KLHL29: variants seen among roughly 807,000 people sequenced by gnomAD.
KLHL29 encodes kelch-like protein 29.
Under a neutral mutation model 80.4 loss-of-function variants are expected in KLHL29, and 21 were observed. The observed-to-expected ratio is 0.26, with a 90% confidence interval of 0.19 to 0.38. The LOEUF (loss-of-function observed/expected upper bound fraction) is 0.38, where lower values mean the gene tolerates loss of function less well. Among genes scored for constraint, KLHL29 ranks in the 10% least tolerant of loss-of-function variants. The pLI, the probability that KLHL29 is intolerant of heterozygous loss-of-function variation, is 1.00. For missense variants in KLHL29, 867 were observed against 1,223.9 expected (o/e 0.71, Z 4.35); for synonymous variants, 511 against 526.8 (o/e 0.97, Z 0.41).
intron 2 of KLHL29, among the ~76,000 whole-genome samples, chr2:23,513,706 G>A (rs1665843639): frequency 6.6e-6 from 1 of 152,176 alleles, no homozygotes; most frequent in African/African-American, 2.4e-5. Context: ...CAGGAGGGCA[G>A]AGGGAGAGAT....
At chr2:23,470,093 GA>G (rs1315618078) in intron 1 of KLHL29, among the ~76,000 whole-genome samples, 1 of 151,920 alleles carries the variant, frequency 6.6e-6, no homozygotes, top group African/African-American at 2.4e-5. Context: ...GTTTATGGTG[GA>G]GTCATGTCAT....
intron 1 of KLHL29, among the ~76,000 whole-genome samples, chr2:23,424,814 T>C (rs1431335136): frequency 6.6e-6 from 1 of 152,240 alleles, no homozygotes; most frequent in African/African-American, 2.4e-5. Flanking sequence ...TATCTCATCA[T>C]TTAGATAACA....
chr2:23,575,050 T>G (rs1298763392), intron 3 of KLHL29, among the ~76,000 whole-genome samples: 3 of 152,156 alleles, frequency 2.0e-5, no homozygotes, highest in Non-Finnish European at 4.4e-5. Flanking sequence ...TAACCTGATC[T>G]GGGTAGACAG....
At chr2:23,660,892 G>T (rs141115960) in intron 5 of KLHL29, among the ~76,000 whole-genome samples, 1 of 152,112 alleles carries the variant, frequency 6.6e-6, no homozygotes, top group Admixed American at 6.5e-5. Context: ...TCAGCCAGGC[G>T]TGGTGGCAGG....
chr2:23,706,659 G>A lies in KLHL29; in HGVS notation c.2623G>A (p.Gly875Ser), dbSNP rs768958357. The change falls in exon 14 of 14, where the codon GGC (glycine) becomes AGC (serine). Residue 875 changes from glycine (G) to serine (S), a missense_variant. Coordinates refer to ENST00000486442, the MANE Select transcript of KLHL29 (RefSeq NM_052920.2). ...CGTGATAAAGAAATATATTCAAAGC[G>A]GCTGACATCAGCAGAAAGCCCACGA... is the stretch of plus-strand genomic sequence containing the variant. ...CVVIKKYIQS[G>S] 2.3e-5 allele frequency: 35 copies of A among 1,520,246 alleles called. No individual in the cohort carries two copies. The highest frequency in any genetic ancestry group is 1.7e-4 in the Middle Eastern group (1 of 5,956). The allele number at this position is 1,520,246 out of a possible 1,614,324, so 94.2% of individuals were successfully genotyped here.
At position 23,562,247 on chromosome 2, in the gene KLHL29, C is replaced by T; in HGVS notation, c.51C>T (p.Asp17=). 1.3e-6 allele frequency: 2 copies of T among 1,550,500 alleles called. 1 individual carries two copies. Among genetic ancestry groups the T allele is most frequent in the South Asian group, 2.4e-5 (2 of 84,030 alleles). Residue 17 remains aspartate (D), a synonymous_variant, in exon 3 of 14, where the codon GAC becomes GAT. Coordinates refer to ENST00000486442, the MANE Select transcript of KLHL29 (RefSeq NM_052920.2). The surrounding 1 kb of genome is among the most constrained non-coding windows in gnomAD (Gnocchi z 4.5). ...AAAGAGATTACCGGGTGGGCTGGGACCGCCGCGAATGGAGCGTCAACGGGA... is the reference window on the plus strand; with the variant it reads ...AAAGAGATTACCGGGTGGGCTGGGATCGCCGCGAATGGAGCGTCAACGGGA... The part of the protein sequence containing the change: ...RFERDYRVGW[D]RREWSVNGTH...
At chr2:23,517,459 C>T (rs1665971589) in intron 2 of KLHL29, among the ~76,000 whole-genome samples, 1 of 152,174 alleles carries the variant, frequency 6.6e-6, no homozygotes. Flanking sequence ...AGGAGAATCG[C>T]TTGTACCGGG....
intron 7 of KLHL29, among the ~76,000 whole-genome samples, chr2:23,692,204 G>T (rs1225212946): frequency 6.6e-6 from 1 of 152,246 alleles, no homozygotes; most frequent in East Asian, 1.9e-4. Context: ...TATGGCCCTG[G>T]CCTCACAGTC....
At chr2:23,432,336 C>G (rs1050172102) in intron 1 of KLHL29, among the ~76,000 whole-genome samples, 18 of 152,200 alleles carry the variant, frequency 1.2e-4, no homozygotes, top group African/African-American at 3.6e-4. Context: ...AAATTTTGCC[C>G]TACGAGCAAC....
chr2:23,601,143 G>A (rs987256387), intron 3 of KLHL29, among the ~76,000 whole-genome samples: 1 of 152,136 alleles, frequency 6.6e-6, no homozygotes, highest in Non-Finnish European at 1.5e-5. Flanking sequence ...GCCACTGATT[G>A]TGTTATACTA....
chr2:23,448,796 T>C (rs1172836412), intron 1 of KLHL29, among the ~76,000 whole-genome samples: 1 of 152,194 alleles, frequency 6.6e-6, no homozygotes. Flanking sequence ...TCCTTGCCTG[T>C]GCTTGCCAGA....
intron 3 of KLHL29, among the ~76,000 whole-genome samples, chr2:23,594,594 C>A (rs996487656): frequency 1.3e-5 from 2 of 152,212 alleles, no homozygotes; most frequent in South Asian, 2.1e-4. Flanking sequence ...GATTGAAATT[C>A]TTTCTCCTGG....
At chr2:23,542,819 A>T (rs147673179) in intron 2 of KLHL29, among the ~76,000 whole-genome samples, 133 of 152,326 alleles carry the variant, frequency 8.7e-4, no homozygotes, top group African/African-American at 3.1e-3. Flanking sequence ...TTCACCAGGG[A>T]CACCTGGGGA....
intron 2 of KLHL29, among the ~76,000 whole-genome samples, chr2:23,477,103 A>G (rs1185636887): frequency 6.6e-6 from 1 of 152,256 alleles, no homozygotes; most frequent in Admixed American, 6.5e-5. Flanking sequence ...TTAGAAGTAC[A>G]GGCTGCGTCT....
intron 5 of KLHL29, among the ~76,000 whole-genome samples, chr2:23,654,044 G>A (rs1192572040): frequency 3.3e-5 from 5 of 152,078 alleles, no homozygotes; most frequent in East Asian, 1.9e-4. Context: ...ATGGGTTCCT[G>A]TAATCCCAGC....
chr2:23,460,690 G>A (rs1323129221), intron 1 of KLHL29, among the ~76,000 whole-genome samples: 2 of 152,054 alleles, frequency 1.3e-5, no homozygotes, highest in Non-Finnish European at 2.9e-5. Flanking sequence ...GCCGTGAAGG[G>A]AGCATCGTGC....
chr2:23,703,875 C>T lies in KLHL29; in HGVS notation c.2444+12C>T, dbSNP rs759612469. On this transcript the variant is annotated intron_variant, in intron 13 of 13. Transcript: ENST00000486442. ...CGCCAGTTCTGCAGGTGAGAGGCTG[C>T]GGCGCCTTGACTAGGGCTGGGACGG... 21 of 1,532,972 alleles carry T rather than the reference C, an allele frequency of 1.4e-5. No homozygotes were observed. In the South Asian group the frequency reaches 1.4e-4, roughly 11 times the overall value. The allele number at this position is 1,532,972 out of a possible 1,614,324, so 95.0% of individuals were successfully genotyped here.
chr2:23,641,309 T>C (rs1669762696), intron 4 of KLHL29, among the ~76,000 whole-genome samples: 2 of 152,208 alleles, frequency 1.3e-5, no homozygotes, highest in South Asian at 4.1e-4. Flanking sequence ...GTTCTCTTGT[T>C]TCCCCCAGGG....
intron 2 of KLHL29, among the ~76,000 whole-genome samples, chr2:23,488,243 C>G (rs1419404960): frequency 6.6e-6 from 1 of 152,230 alleles, no homozygotes; most frequent in East Asian, 1.9e-4. Context: ...CGCCCCTGGC[C>G]TTTTGCTGAC....
Sources: allele counts gnomAD v4.1 joint callset (sites outside exome capture counted in the v4.1 genomes callset), GRCh38; gene constraint gnomAD v4.1.1; non-coding constraint Gnocchi (gnomAD v3.1); transcripts MANE v1.5; gene names NCBI Gene and HGNC (gene_info 2026-07-23, HGNC 2026-07-21).